CNTN4: variants seen among roughly 807,000 people sequenced by gnomAD.
The protein encoded by CNTN4 is contactin 4.
A neutral mutation model predicts 122.5 loss-of-function variants in CNTN4; 77 were observed. The observed-to-expected ratio is 0.63, with a 90% CI of 0.52 to 0.76. The LOEUF (loss-of-function observed/expected upper bound fraction) is 0.76, where lower values mean the gene tolerates loss of function less well. Ranked by LOEUF, CNTN4 falls within the 30% of genes least tolerant of loss-of-function variation. The pLI is 0.00. For missense variants in CNTN4, 1,256 were observed against 1,259.1 expected (o/e 1.00, Z 0.04); for synonymous variants, 512 against 447.0 (o/e 1.15, Z -1.83).
At chr3:2,778,130 C>T (rs57683179) in intron 6 of CNTN4, among the ~76,000 whole-genome samples, 10 of 140,038 alleles carry the variant, frequency 7.1e-5, no homozygotes, top group East Asian at 2.4e-4. Context: ...AGGAGAATGG[C>T]GGGAACCCAG....
At chr3:3,049,165 C>A (rs1047776795) in intron 23 of CNTN4, among the ~76,000 whole-genome samples, 2 of 152,232 alleles carry the variant, frequency 1.3e-5, no homozygotes, top group African/African-American at 4.8e-5. Flanking sequence ...TCACTGCAAC[C>A]TCCGCCTCCA....
At chr3:2,993,828 A>T (rs562436384) in intron 14 of CNTN4, among the ~76,000 whole-genome samples, 2 of 152,292 alleles carry the variant, frequency 1.3e-5, no homozygotes, top group East Asian at 3.9e-4. Context: ...AAATTTCCAC[A>T]TGTCCTTGAG....
intron 23 of CNTN4, among the ~76,000 whole-genome samples, chr3:3,048,514 CTCTGTG>C (rs1450729416): frequency 3.1e-4 from 41 of 134,358 alleles, no homozygotes; most frequent in African/African-American, 7.9e-4. Flanking sequence ...CTCTCTCTCT[CTCTGTG>C]TGTGTGTGTG....
chr3:2,635,760 CAT>C (rs755822467), intron 4 of CNTN4, among the ~76,000 whole-genome samples: 11 of 152,250 alleles, frequency 7.2e-5, no homozygotes, highest in Non-Finnish European at 1.6e-4. Flanking sequence ...TTAGAATAAA[CAT>C]AGAAACTGAC....
rs17584390 is a variant in CNTN4, at chr3:2,841,308, A to G, written c.454+21727A>G. On this transcript the variant is annotated intron_variant, in intron 7 of 24. Coordinates refer to ENST00000418658, the MANE Select transcript of CNTN4 (RefSeq NM_175607.3). This position sits in a 1 kb window ranked among gnomAD's most constrained non-coding sequence, Gnocchi z 4.8. ...TTCCAATGTAGTTAGAGTTACTACA[A>G]CCCTAACTGAAATTGCCTCATACTG... 0.11 allele frequency among the ~76,000 whole-genome samples: 16,954 copies of G among 152,184 alleles called. 1,047 individuals carry two copies. Among genetic ancestry groups the G allele is most frequent in the Middle Eastern group, 0.17 (49 of 294 alleles).
intron 3 of CNTN4, among the ~76,000 whole-genome samples, chr3:2,359,743 C>T (rs1375339673): frequency 6.6e-6 from 1 of 152,006 alleles, no homozygotes; most frequent in Non-Finnish European, 1.5e-5. Flanking sequence ...GTTTCATCGT[C>T]TTAGCCAGGA....
intron 14 of CNTN4, among the ~76,000 whole-genome samples, chr3:3,009,853 G>A (rs1347842593): frequency 1.3e-5 from 2 of 152,212 alleles, no homozygotes; most frequent in East Asian, 1.9e-4. Context: ...ATGTGAAGCC[G>A]TGAACATGTA....
chr3:2,611,400 G>C (rs2081485911), intron 4 of CNTN4, among the ~76,000 whole-genome samples: 1 of 151,868 alleles, frequency 6.6e-6, no homozygotes, highest in Non-Finnish European at 1.5e-5. Flanking sequence ...ATAGCCATGG[G>C]ACAGAGGGAA....
intron 6 of CNTN4, among the ~76,000 whole-genome samples, chr3:2,782,015 T>C (rs553980177): frequency 1.3e-5 from 2 of 151,962 alleles, no homozygotes; most frequent in African/African-American, 4.8e-5. Flanking sequence ...GAGCCACCGG[T>C]AAATTTAAAC....
At chr3:3,043,498 T>C in intron 22 of CNTN4, 94 bp from the exon 23 acceptor site, 1 of 922,494 alleles carries the variant, frequency 1.1e-6, no homozygotes, top group Non-Finnish European at 1.8e-6. Context: ...GCCCATTAAA[T>C]TGCCTCCACT....
intron 13 of CNTN4, among the ~76,000 whole-genome samples, chr3:2,931,117 G>C (rs6778598): frequency 0.38 from 57,047 of 152,068 alleles, 12,025 homozygotes; most frequent in East Asian, 0.54. Context: ...GAAGGAATCA[G>C]GGTAGGGCAA....
chr3:2,430,273 T>G (rs11715458), intron 3 of CNTN4, among the ~76,000 whole-genome samples: 343 of 151,718 alleles, frequency 2.3e-3, no homozygotes, highest in Middle Eastern at 0.014. Flanking sequence ...ATACAAAAAA[T>G]TAGCCGGGCG....
chr3:2,604,520 G>A (rs2081179687), intron 4 of CNTN4, among the ~76,000 whole-genome samples: 1 of 152,136 alleles, frequency 6.6e-6, no homozygotes, highest in African/African-American at 2.4e-5. Context: ...GGTAAAAAGT[G>A]CTAAGAGGAA....
Position 2,571,519 on chromosome 3 carries a change from G to A in CNTN4, c.16G>A (p.Glu6Lys), listed in dbSNP as rs1199542195. Residue 6 changes from glutamate (E) to lysine (K), a missense_variant, in exon 4 of 25, where the codon GAA becomes AAA. Coordinates refer to ENST00000418658, the MANE Select transcript of CNTN4 (RefSeq NM_175607.3). The stretch of plus-strand genomic sequence containing the variant: ...GAAACTGAAGATGAGGTTGCCATGG[G>A]AACTGCTGGTACTGCAATCATTCAT... MRLPW[E>K]LLVLQSFILC... 1.2e-6 allele frequency: 2 copies of A among 1,613,786 alleles called. No individual in the cohort carries two copies. Among genetic ancestry groups the A allele is most frequent in the Non-Finnish European group, 8.5e-7 (1 of 1,179,688 alleles).
At chr3:2,584,709 AAAAAAAAAAAAAGAAT>A (rs1347611774) in intron 4 of CNTN4, among the ~76,000 whole-genome samples, 5 of 151,362 alleles carry the variant, frequency 3.3e-5, no homozygotes, top group Admixed American at 1.3e-4. Context: ...AAAAAAAAAA[AAAAAAAAAAAAAGAAT>A]AAAAAAAAGG....
intron 6 of CNTN4, among the ~76,000 whole-genome samples, chr3:2,786,548 T>G (rs1346004246): frequency 2.0e-5 from 3 of 152,168 alleles, no homozygotes; most frequent in South Asian, 2.1e-4. Context: ...CTGCCCCATT[T>G]CAATTTGAGT....
At chr3:2,170,500 C>T (rs1288739747) in intron 2 of CNTN4, among the ~76,000 whole-genome samples, 1 of 152,170 alleles carries the variant, frequency 6.6e-6, no homozygotes, top group Admixed American at 6.5e-5. Context: ...ACACACTCTC[C>T]TCCTAAATGG....
At chr3:2,627,262 T>C (rs950854454) in intron 4 of CNTN4, among the ~76,000 whole-genome samples, 3 of 152,170 alleles carry the variant, frequency 2.0e-5, no homozygotes, top group African/African-American at 7.2e-5. Context: ...TAGACAGTAG[T>C]TTTTAAATGG....
chr3:2,919,998 C>A (rs1467107289), intron 12 of CNTN4, among the ~76,000 whole-genome samples: 1 of 151,860 alleles, frequency 6.6e-6, no homozygotes, highest in Non-Finnish European at 1.5e-5. Flanking sequence ...AATAAAAGGC[C>A]ATACCTAATC....
Sources: gnomAD v4.1 joint callset for allele counts (sites outside exome capture counted in the v4.1 genomes callset) on GRCh38, gnomAD v4.1.1 for gene constraint, Gnocchi (gnomAD v3.1) non-coding constraint, MANE v1.5 for transcripts, NCBI Gene and HGNC (gene_info 2026-07-23, HGNC 2026-07-21) for gene names.